NAV2: variants seen among roughly 807,000 people sequenced by gnomAD.
NAV2 encodes the protein neuron navigator 2.
A neutral mutation model predicts 223.2 loss-of-function variants in NAV2; 54 were observed. That is an observed-to-expected ratio of 0.24 (90% CI 0.19 to 0.30). NAV2 has a LOEUF of 0.30. NAV2 is among the 10% of genes least tolerant of loss of function. The pLI is 1.00. For missense variants in NAV2, 2,806 were observed against 3,147.5 expected, an observed-to-expected ratio of 0.89 and a Z score of 2.60; for synonymous variants, 1,279 against 1,239.3, an observed-to-expected ratio of 1.03 and a Z score of -0.67.
Position 20,121,432 on chromosome 11 carries a change from C to T in NAV2, c.*3174C>T, listed in dbSNP as rs978353543. 1.3e-5 allele frequency: 2 copies of T among 152,560 alleles called. No homozygotes were observed. The highest frequency in any genetic ancestry group is 4.8e-5 in the African/African-American group (2 of 41,418). 9.5% of individuals were successfully genotyped at this position (152,560 alleles called of 1,614,324 possible). ...TTCCATCCTCCCTCCCCTTCCTCCTCCCCTCCTCTCTCTCTCTTCCTACCT... is the reference window on the plus strand; with the variant it reads ...TTCCATCCTCCCTCCCCTTCCTCCTTCCCTCCTCTCTCTCTCTTCCTACCT... On this transcript the variant is annotated 3_prime_UTR_variant, in exon 38 of 38. Coordinates refer to ENST00000349880, the MANE Select transcript of NAV2 (RefSeq NM_145117.5).
intron 1 of NAV2, among the ~76,000 whole-genome samples, chr11:19,405,301 G>A (rs1849849368): frequency 1.3e-5 from 2 of 152,162 alleles, no homozygotes; most frequent in African/African-American, 4.8e-5. Context: ...AGATGTTTGG[G>A]AGGTGCCTGC....
chr11:19,602,013 C>A (rs946018261), intron 1 of NAV2, among the ~76,000 whole-genome samples: 2 of 152,166 alleles, frequency 1.3e-5, no homozygotes, highest in African/African-American at 4.8e-5. Flanking sequence ...GTCCTGTTGT[C>A]CCAGTTTCGA....
At chr11:19,784,421 G>A (rs1334875355) in intron 1 of NAV2, among the ~76,000 whole-genome samples, 2 of 144,690 alleles carry the variant, frequency 1.4e-5, no homozygotes, top group African/African-American at 2.5e-5. Flanking sequence ...AAAAAAGAGG[G>A]GCTTTATTGC....
At chr11:20,101,712 G>T (rs886141405) in intron 32 of NAV2, among the ~76,000 whole-genome samples, 8 of 152,154 alleles carry the variant, frequency 5.3e-5, no homozygotes, top group Non-Finnish European at 2.9e-5. Flanking sequence ...TGAAGCTCAA[G>T]TCAAAGTCTT....
chr11:19,444,550 A>C, intron 1 of NAV2, among the ~76,000 whole-genome samples: 1 of 152,042 alleles, frequency 6.6e-6, no homozygotes, highest in Non-Finnish European at 1.5e-5. Flanking sequence ...TGGCTGTAGA[A>C]CCGGCCCCCC....
rs1340449641 is a variant in NAV2 at position 19,745,892 on chromosome 11, C to A, written c.267+31930C>A. 2.0e-5 allele frequency among the ~76,000 whole-genome samples: 3 copies of A among 152,158 alleles called. No homozygotes were observed. In the East Asian group the frequency reaches 5.8e-4, roughly 29 times the overall value. On this transcript the variant is annotated intron_variant, in intron 1 of 37. Transcript: ENST00000349880. The stretch of plus-strand genomic sequence containing the variant: ...AACAGGCCATACAATGGTACTTGTC[C>A]ATGGTTCAAGGTCTGGGGACCCCTG...
At chr11:19,469,378 A>C (rs2041889566) in intron 1 of NAV2, among the ~76,000 whole-genome samples, 1 of 151,702 alleles carries the variant, frequency 6.6e-6, no homozygotes. Context: ...AGGGGCTTAT[A>C]AGTTTGGCCT....
Position 19,790,767 on chromosome 11 carries a change from T to A in NAV2, c.268-41717T>A, listed in dbSNP as rs56880797. Among the ~76,000 whole-genome samples, 380 of 152,270 alleles carry A rather than the reference T, an allele frequency of 2.5e-3. 2 individuals carry two copies. The highest frequency in any genetic ancestry group is 0.01 in the East Asian group (53 of 5,178). ...CCCAAGGTGTGAGGCAACCAGCACA[T>A]CATGCAACACCAAGTCGCTAACAGT... On this transcript the variant is annotated intron_variant, in intron 1 of 37. Transcript: ENST00000349880.
At chr11:19,860,146 C>A (rs866839548) in intron 3 of NAV2, among the ~76,000 whole-genome samples, 1 of 71,598 alleles carries the variant, frequency 1.4e-5, no homozygotes. Flanking sequence ...ACCTCCCGGA[C>A]GGGGCGGCTG....
At chr11:20,095,825 G>A in intron 30 of NAV2, 58 bp downstream of exon 30, 1 of 1,289,962 alleles carries the variant, frequency 7.8e-7, no homozygotes, top group South Asian at 1.2e-5. Context: ...TCCGGGCCTG[G>A]GGAGGAAAAG....
intron 1 of NAV2, among the ~76,000 whole-genome samples, chr11:19,556,556 C>T (rs767143928): frequency 1.3e-5 from 2 of 152,002 alleles, no homozygotes; most frequent in Non-Finnish European, 2.9e-5. Context: ...TTTTTAAATG[C>T]CTGAAATATA....
chr11:19,960,098 C>A (rs1350017281), intron 10 of NAV2, among the ~76,000 whole-genome samples: 3 of 152,182 alleles, frequency 2.0e-5, no homozygotes, highest in African/African-American at 7.2e-5. Flanking sequence ...CTAGTCAGTT[C>A]CAGGCCCCTG....
At chr11:19,921,337 C>G (rs1250392460) in intron 6 of NAV2, among the ~76,000 whole-genome samples, 1 of 152,126 alleles carries the variant, frequency 6.6e-6, no homozygotes, top group Non-Finnish European at 1.5e-5. Context: ...ATATAATAAG[C>G]TCGTTCTTTG....
chr11:19,908,283 G>A (rs571400178), intron 6 of NAV2, among the ~76,000 whole-genome samples: 1 of 152,276 alleles, frequency 6.6e-6, no homozygotes, highest in Admixed American at 6.5e-5. Context: ...TCCAGGGTGG[G>A]TGTGGGAGCT....
At chr11:19,483,264 A>G (rs1423044247) in intron 1 of NAV2, among the ~76,000 whole-genome samples, 2 of 152,208 alleles carry the variant, frequency 1.3e-5, no homozygotes, top group Non-Finnish European at 2.9e-5. Flanking sequence ...TTTCAATTGC[A>G]TGTCATTCTG....
intron 1 of NAV2, among the ~76,000 whole-genome samples, chr11:19,658,141 G>A (rs557208391): frequency 6.6e-6 from 1 of 152,156 alleles, no homozygotes; most frequent in African/African-American, 2.4e-5. Flanking sequence ...ATTTTTCACA[G>A]CATTCCTATG....
At chr11:19,866,193 G>T (rs2062079716) in intron 3 of NAV2, among the ~76,000 whole-genome samples, 1 of 152,244 alleles carries the variant, frequency 6.6e-6, no homozygotes, top group Non-Finnish European at 1.5e-5. Flanking sequence ...CTCAATCTCA[G>T]CACTGTTGAT....
intron 1 of NAV2, among the ~76,000 whole-genome samples, chr11:19,522,969 A>G (rs568577018): frequency 6.6e-6 from 1 of 152,296 alleles, no homozygotes; most frequent in African/African-American, 2.4e-5. Context: ...CATATCATCC[A>G]CAGTTGAGGA....
In NAV2 at chr11:19,772,535, C is replaced by T. The variant is rs80062805; in HGVS notation, c.267+58573C>T. Reference sequence around the variant, plus strand: ...CACTACTATGGCTAGGGTTTTCATGCGGCAGGCAATGTGAAGCTCTTCTGT... The same window carrying T: ...CACTACTATGGCTAGGGTTTTCATGTGGCAGGCAATGTGAAGCTCTTCTGT... On this transcript the variant is annotated intron_variant, in intron 1 of 37. Transcript: ENST00000349880. Among the ~76,000 whole-genome samples, 50 of 152,290 alleles carry T rather than the reference C, an allele frequency of 3.3e-4. 1 individual carries two copies. The East Asian group carries it at 7.5e-3, about 23-fold the overall frequency.
Sources: gnomAD v4.1 joint callset for allele counts (sites outside exome capture counted in the v4.1 genomes callset) on GRCh38, gnomAD v4.1.1 for gene constraint, MANE v1.5 for transcripts, NCBI Gene and HGNC (gene_info 2026-07-23, HGNC 2026-07-21) for gene names.